TNFSF10: variants seen among roughly 807,000 people sequenced by gnomAD.
TNFSF10 encodes the protein tumor necrosis factor ligand superfamily member 10.
In TNFSF10, 13 loss-of-function variants were observed where a neutral mutation model predicts 29.5. The observed-to-expected ratio is 0.44, with a 90% confidence interval of 0.29 to 0.70. The LOEUF (loss-of-function observed/expected upper bound fraction) is 0.70. Among genes scored for constraint, TNFSF10 ranks in the 30% least tolerant of loss-of-function variants. TNFSF10 has a pLI of 0.13. For missense variants in TNFSF10, 345 were observed against 330.9 expected, an observed-to-expected ratio of 1.04 and a Z score of -0.33; for synonymous variants, 111 against 112.8, an observed-to-expected ratio of 0.98 and a Z score of 0.10.
intron 2 of TNFSF10, among the ~76,000 whole-genome samples, chr3:172,513,646 A>T (rs1218657590): frequency 2.0e-5 from 3 of 152,226 alleles, no homozygotes; most frequent in Non-Finnish European, 4.4e-5. Flanking sequence ...AACAGTATTT[A>T]TATGGAGAAA....
At chr3:172,512,310 C>T (rs1188244217) in intron 2 of TNFSF10, among the ~76,000 whole-genome samples, 1 of 152,170 alleles carries the variant, frequency 6.6e-6, no homozygotes, top group Admixed American at 6.5e-5. Flanking sequence ...AGCCTTTGTA[C>T]TAACCAGTGG....
chr3:172,518,067 A>C, intron 1 of TNFSF10: 1 of 1,004,208 alleles, frequency 1.0e-6, no homozygotes, highest in Non-Finnish European at 1.2e-6. Context: ...AATTAATACG[A>C]TACGTCTCCC....
In TNFSF10 at chr3:172,511,658, A is replaced by G; in HGVS notation, c.272T>C (p.Met91Thr). ...KWQLRQLVRK[M>T]ILRTSEETIS... ...GGTTTCCTCAGAGGTTCTCAAAATC[A>G]TCTGCAAATATTATTGAATAAAGCT... Residue 91 changes from methionine (M) to threonine (T), a missense_variant and splice_region_variant, in exon 3 of 5, where the codon ATG (methionine) becomes ACG (threonine). Met to Thr is a moderately conservative substitution (Grantham distance 81). Coordinates refer to ENST00000241261, the MANE Select transcript of TNFSF10 (RefSeq NM_003810.4). 6 of 1,611,554 alleles carry G rather than the reference A, an allele frequency of 3.7e-6. No individual in the cohort carries two copies. The highest frequency in any genetic ancestry group is 5.1e-6 in the Non-Finnish European group (6 of 1,178,744).
At position 172,506,198 on chromosome 3, in the gene TNFSF10, T is replaced by C. The variant is rs940790256; in HGVS notation, c.*294A>G. 24 of 336,226 alleles carry C rather than the reference T, an allele frequency of 7.1e-5. No homozygotes were observed. Among genetic ancestry groups the C allele is most frequent in the African/African-American group, 4.7e-4 (22 of 46,338 alleles). The allele number at this position is 336,226 out of a possible 1,614,324, so 20.8% of individuals were successfully genotyped here. A position where few individuals can be genotyped will look rare whatever the true frequency, so the allele number is the denominator to read the frequency against. The stretch of plus-strand genomic sequence containing the variant: ...AGACAGAAGATGTTAACCATTGCAT[T>C]AATGTTTGGAAGCTGACAGTCTTCT... On this transcript the variant is annotated 3_prime_UTR_variant, in exon 5 of 5. Transcript: ENST00000241261.
chr3:172,514,956 T>C lies in TNFSF10; in HGVS notation c.175A>G (p.Lys59Glu). The change falls in exon 2 of 5, where the codon AAA becomes GAA. Residue 59 changes from lysine to glutamate, a missense_variant. By Grantham distance (56) the Lys-to-Glu change is moderately conservative (BLOSUM62 1). Coordinates refer to ENST00000241261, the MANE Select transcript of TNFSF10 (RefSeq NM_003810.4). ...YSKSGIACFL[K>E]EDDSYWDPND... ...GGGTCCCAATAACTGTCATCTTCTTTTAAGAAACAAGCAATGCCACTTTTG... is the reference window on the plus strand; with the variant it reads ...GGGTCCCAATAACTGTCATCTTCTTCTAAGAAACAAGCAATGCCACTTTTG... 1.2e-6 allele frequency: 2 copies of C among 1,614,162 alleles called. No homozygotes were observed. Among genetic ancestry groups the C allele is most frequent in the Non-Finnish European group, 1.7e-6 (2 of 1,180,012 alleles).
chr3:172,508,895 A>C (rs999627797), intron 4 of TNFSF10, among the ~76,000 whole-genome samples: 1 of 152,078 alleles, frequency 6.6e-6, no homozygotes, highest in East Asian at 1.9e-4. Context: ...GTCTAAAAAA[A>C]AAAAGGAAAG....
rs1713130372 is a variant in TNFSF10 at position 172,509,532 on chromosome 3, G to A, written c.314-211C>T. ...AAAGTACTTTACACGGAAAGAATAA[G>A]CAGTAACATGGATTATAATTTATTA... On this transcript the variant is annotated intron_variant, in intron 3 of 4. Coordinates refer to ENST00000241261, the MANE Select transcript of TNFSF10 (RefSeq NM_003810.4). Among the ~76,000 whole-genome samples the A allele has an allele frequency of 2.0e-5, 3 of 152,294 alleles. No individual in the cohort carries two copies. The South Asian group carries it at 6.2e-4, about 32-fold the overall frequency.
chr3:172,519,521 A>G (rs1366283896), intron 1 of TNFSF10, among the ~76,000 whole-genome samples: 1 of 152,240 alleles, frequency 6.6e-6, no homozygotes, highest in African/African-American at 2.4e-5. Context: ...ATTGGTGAAC[A>G]TAGCAGTATT....
chr3:172,510,208 G>A lies in TNFSF10; in HGVS notation c.314-887C>T, dbSNP rs552857621. On this transcript the variant is annotated intron_variant, in intron 3 of 4. Coordinates refer to ENST00000241261, the MANE Select transcript of TNFSF10 (RefSeq NM_003810.4). The stretch of plus-strand genomic sequence containing the variant: ...CTACAGAAAATATGAATTAGAAAGT[G>A]ACAATTTGGAGGCCAAGATGGGTGG... Among the ~76,000 whole-genome samples, 3 of 152,274 alleles carry A rather than the reference G, an allele frequency of 2.0e-5. No individual in the cohort carries two copies. The South Asian group carries it at 6.2e-4, about 32-fold the overall frequency.
intron 2 of TNFSF10, among the ~76,000 whole-genome samples, chr3:172,513,693 G>A (rs1360247693): frequency 6.6e-6 from 1 of 152,170 alleles, no homozygotes; most frequent in East Asian, 1.9e-4. Context: ...TTATAAACAT[G>A]TGTAAAACAC....
In TNFSF10 at chr3:172,506,449, T is replaced by C. The variant is rs556746816; in HGVS notation, c.*43A>G. The C allele has an allele frequency of 5.3e-4, 824 of 1,540,194 alleles. 6 individuals are homozygous for C. In the South Asian group the frequency reaches 9.8e-3, roughly 18 times the overall value. On this transcript the variant is annotated 3_prime_UTR_variant, in exon 5 of 5. Coordinates refer to ENST00000241261, the MANE Select transcript of TNFSF10 (RefSeq NM_003810.4). ...CTTCATAGTGTATCATCCTGAAAAC[T>C]GAATAGTCACTTTGAGGTTATTGCT... is the stretch of plus-strand genomic sequence containing the variant.
chr3:172,516,766 C>G (rs940165028), intron 1 of TNFSF10, among the ~76,000 whole-genome samples: 1 of 152,108 alleles, frequency 6.6e-6, no homozygotes, highest in Non-Finnish European at 1.5e-5. Context: ...AGTTGCACCT[C>G]GAATTGACTT....
Position 172,517,414 on chromosome 3 carries a change from G to A in TNFSF10, c.133-2416C>T, listed in dbSNP as rs1022628142. 3.0e-6 allele frequency: 3 copies of A among 985,076 alleles called. No homozygotes were observed. The African/African-American group carries it at 5.2e-5, about 17-fold the overall frequency. 61.0% of individuals were successfully genotyped at this position (985,076 alleles called of 1,614,324 possible). A position where few individuals can be genotyped will look rare whatever the true frequency, so the allele number is the denominator to read the frequency against. ...GTGGATGGGAGGTTAACAAGTTAAT[G>A]TAGCTACATTATTACCCAGGAGTTT... On this transcript the variant is annotated intron_variant, in intron 1 of 4. Transcript: ENST00000241261.
At position 172,511,597 on chromosome 3, in the gene TNFSF10, A is replaced by T. The variant is rs1432670988; in HGVS notation, c.313+20T>A. ...GAAGATGACAGTAAAAAATTAAAAT[A>T]ACAACAAAAAAGATACTACCTTGAA... On this transcript the variant is annotated intron_variant, in intron 3 of 4. Coordinates refer to ENST00000241261, the MANE Select transcript of TNFSF10 (RefSeq NM_003810.4). The T allele has an allele frequency of 6.3e-7, 1 of 1,595,092 alleles. No homozygotes were observed. The highest frequency in any genetic ancestry group is 8.5e-7 in the Non-Finnish European group (1 of 1,171,786).
At chr3:172,518,903 T>C (rs946173930) in intron 1 of TNFSF10, among the ~76,000 whole-genome samples, 1 of 151,824 alleles carries the variant, frequency 6.6e-6, no homozygotes, top group Non-Finnish European at 1.5e-5. Context: ...AACGCTACTA[T>C]AAAAATAGCA....
chr3:172,512,794 G>C (rs3136594), intron 2 of TNFSF10, among the ~76,000 whole-genome samples: 1 of 152,232 alleles, frequency 6.6e-6, no homozygotes, highest in East Asian at 1.9e-4. Context: ...CAATGTGGGA[G>C]GCAAAATAAA....
Position 172,505,839 on chromosome 3 carries a change from G to A in TNFSF10, c.*653C>T, listed in dbSNP as rs1339424060. Reference sequence around the variant, plus strand: ...CCTCCCGGGTTCAAACAATTCTCTTGCCTCAGCCTCTCAAGTAGCTGGGAC... The same window carrying A: ...CCTCCCGGGTTCAAACAATTCTCTTACCTCAGCCTCTCAAGTAGCTGGGAC... On this transcript the variant is annotated 3_prime_UTR_variant, in exon 5 of 5. Transcript: ENST00000241261. 1 of 149,354 alleles carries A rather than the reference G, an allele frequency of 6.7e-6. No homozygotes were observed. Among genetic ancestry groups the A allele is most frequent in the African/African-American group, 2.5e-5 (1 of 40,452 alleles). 9.3% of individuals were successfully genotyped at this position (149,354 alleles called of 1,614,324 possible).
Position 172,509,311 on chromosome 3 carries a change from T to G in TNFSF10, c.324A>C (p.Gln108His). The change falls in exon 4 of 5, where the codon CAA (glutamine) becomes CAC (histidine). Residue 108 changes from glutamine to histidine, a missense_variant. Coordinates refer to ENST00000241261, the MANE Select transcript of TNFSF10 (RefSeq NM_003810.4). ...TTTCTCTCACTAGGGGAGAAATATT[T>G]TGTTGCTTTTCTAAAAGAGAAATGA... ...ETISTVQEKQQNISPLVRERG... is the reference protein window; with the variant it reads ...ETISTVQEKQHNISPLVRERG... The G allele has an allele frequency of 1.2e-6, 2 of 1,613,404 alleles. No individual in the cohort carries two copies. Among genetic ancestry groups the G allele is most frequent in the Non-Finnish European group, 1.7e-6 (2 of 1,179,684 alleles).
At chr3:172,521,809 G>A (rs1439273632) in intron 1 of TNFSF10, among the ~76,000 whole-genome samples, 1 of 152,214 alleles carries the variant, frequency 6.6e-6, no homozygotes, top group Non-Finnish European at 1.5e-5. Context: ...GCTCATCAGT[G>A]ATAGACTGGA....
Sources: allele counts gnomAD v4.1 joint callset (sites outside exome capture counted in the v4.1 genomes callset), GRCh38; gene constraint gnomAD v4.1.1; transcripts MANE v1.5; gene names NCBI Gene and HGNC (gene_info 2026-07-23, HGNC 2026-07-21).